COL25A1: variants seen among roughly 807,000 people sequenced by gnomAD.
COL25A1 encodes collagen type XXV alpha 1 chain.
In COL25A1, 103 loss-of-function variants were observed where a neutral mutation model predicts 128.4. The observed-to-expected ratio is 0.80, with a 90% CI of 0.68 to 0.94. COL25A1 has a LOEUF of 0.94. COL25A1 is among the 40% of genes least tolerant of loss of function. COL25A1 has a pLI of 0.00. For missense variants in COL25A1, 745 were observed against 840.0 expected, an observed-to-expected ratio of 0.89 and a Z score of 1.40; for synonymous variants, 279 against 277.2, an observed-to-expected ratio of 1.01 and a Z score of -0.06.
At position 108,856,598 on chromosome 4, in the gene COL25A1, T is replaced by A. The variant is rs1353625476; in HGVS notation, c.1320+3058A>T. On this transcript the variant is annotated intron_variant, in intron 24 of 37. Coordinates refer to ENST00000399132, the MANE Select transcript of COL25A1 (RefSeq NM_198721.4). ...ATGTTAGGGAAACCAATAGTTTTGATGTGAAAAGATAACTATAAGCTATTT... is the reference window on the plus strand; with the variant it reads ...ATGTTAGGGAAACCAATAGTTTTGAAGTGAAAAGATAACTATAAGCTATTT... Among the ~76,000 whole-genome samples, 4 of 152,244 alleles carry A rather than the reference T, an allele frequency of 2.6e-5. No homozygotes were observed. In the East Asian group the frequency reaches 7.7e-4, roughly 29 times the overall value.
intron 3 of COL25A1, among the ~76,000 whole-genome samples, chr4:109,252,359 T>A (rs922496542): frequency 2.0e-5 from 3 of 152,184 alleles, no homozygotes; most frequent in African/African-American, 7.2e-5. Context: ...TCATCCTTTA[T>A]GAGTGGAAGT....
chr4:109,111,522 G>A (rs754330421), intron 3 of COL25A1, among the ~76,000 whole-genome samples: 8 of 152,010 alleles, frequency 5.3e-5, no homozygotes, highest in South Asian at 2.1e-4. Flanking sequence ...TCTTGCATTC[G>A]GAATCCTTCC....
chr4:108,886,467 TGTG>T (rs1740794126), intron 18 of COL25A1, among the ~76,000 whole-genome samples: 5 of 120,742 alleles, frequency 4.1e-5, no homozygotes, highest in African/African-American at 1.1e-4. Flanking sequence ...TGTGTGTGTG[TGTG>T]TGTGTGTGTG....
In COL25A1 at chr4:109,047,728, CTTT is replaced by C. The variant is rs59105153; in HGVS notation, c.420+437_420+439del. The stretch of plus-strand genomic sequence containing the variant: ...TAATTTTCCAAACTTTAAGTATACT[CTTT>C]TTTTTTTTTTTTTTTTTTTTAGACA... On this transcript the variant is annotated intron_variant, in intron 5 of 37. Transcript: ENST00000399132. Among the ~76,000 whole-genome samples, 337 of 132,190 alleles carry C rather than the reference CTTT, an allele frequency of 2.5e-3. 7 individuals carry two copies. Among genetic ancestry groups the C allele is most frequent in the East Asian group, 0.018 (87 of 4,722 alleles). 86.7% of individuals were successfully genotyped at this position (132,190 alleles called of 152,430 possible). A position where few individuals can be genotyped will look rare whatever the true frequency, so the allele number is the denominator to read the frequency against.
chr4:108,884,114 T>TTTTCCCTATTTTCC, intron 19 of COL25A1, 64 bp downstream of exon 19: 1 of 1,520,822 alleles, frequency 6.6e-7, no homozygotes. Flanking sequence ...CCTATTTTCC[T>TTTTCCCTATTTTCC]CCAATTTGGG....
intron 3 of COL25A1, among the ~76,000 whole-genome samples, chr4:109,251,437 C>T (rs1780638127): frequency 6.6e-6 from 1 of 152,140 alleles, no homozygotes; most frequent in Admixed American, 6.5e-5. Flanking sequence ...AATCACAGGG[C>T]ATGGTAGACT....
At chr4:108,995,195 C>T (rs114945193) in intron 6 of COL25A1, among the ~76,000 whole-genome samples, 1,851 of 152,200 alleles carry the variant, frequency 0.012, 29 homozygotes, top group African/African-American at 0.042. Context: ...TATTTTAACC[C>T]GTTACAAGGA....
At chr4:109,228,898 GC>G (rs1778980377) in intron 3 of COL25A1, among the ~76,000 whole-genome samples, 1 of 152,152 alleles carries the variant, frequency 6.6e-6, no homozygotes, top group Non-Finnish European at 1.5e-5. Context: ...TTTATGAATA[GC>G]CTATCTTAGA....
chr4:108,828,234 A>G (rs1732621632), intron 32 of COL25A1, among the ~76,000 whole-genome samples: 1 of 152,110 alleles, frequency 6.6e-6, no homozygotes. Flanking sequence ...TCCACCTCCC[A>G]GGTTCAAGCA....
At chr4:108,898,429 C>A (rs1307268398) in intron 15 of COL25A1, among the ~76,000 whole-genome samples, 2 of 152,128 alleles carry the variant, frequency 1.3e-5, no homozygotes, top group African/African-American at 4.8e-5. Flanking sequence ...TTGGTAGTTT[C>A]CTACTCAGCA....
intron 3 of COL25A1, among the ~76,000 whole-genome samples, chr4:109,083,326 A>C (rs1489499384): frequency 6.6e-6 from 1 of 152,020 alleles, no homozygotes; most frequent in Non-Finnish European, 1.5e-5. Flanking sequence ...AATGAAAAAA[A>C]TTTCTAAAGG....
At chr4:109,049,720 A>AC (rs1369788142) in intron 4 of COL25A1, among the ~76,000 whole-genome samples, 2 of 152,220 alleles carry the variant, frequency 1.3e-5, no homozygotes, top group East Asian at 3.8e-4. Flanking sequence ...GCTTTCTAAG[A>AC]CATGTGCCCT....
At chr4:109,152,887 G>T (rs1025306374) in intron 3 of COL25A1, among the ~76,000 whole-genome samples, 1 of 152,136 alleles carries the variant, frequency 6.6e-6, no homozygotes, top group African/African-American at 2.4e-5. Context: ...GAGTACTGAG[G>T]GGTGGAAAAT....
At chr4:109,287,797 C>T (rs1724028966) in intron 3 of COL25A1, among the ~76,000 whole-genome samples, 1 of 152,116 alleles carries the variant, frequency 6.6e-6, no homozygotes, top group African/African-American at 2.4e-5. Flanking sequence ...GGAGAGCATC[C>T]ACATACCTAG....
chr4:109,087,550 T>A (rs756489412), intron 3 of COL25A1, among the ~76,000 whole-genome samples: 2 of 152,222 alleles, frequency 1.3e-5, no homozygotes, highest in African/African-American at 4.8e-5. Context: ...AATATATTGA[T>A]GACCCTTGCT....
chr4:108,893,764 G>C (rs559446802), intron 16 of COL25A1, among the ~76,000 whole-genome samples: 1 of 152,160 alleles, frequency 6.6e-6, no homozygotes, highest in East Asian at 1.9e-4. Context: ...TGAACACAAA[G>C]GCCATAAGAA....
chr4:109,223,450 A>C (rs1047086121), intron 3 of COL25A1, among the ~76,000 whole-genome samples: 4 of 151,896 alleles, frequency 2.6e-5, no homozygotes, highest in Non-Finnish European at 4.4e-5. Context: ...TTAAATATTG[A>C]CTTTAGAATC....
chr4:108,938,500 CCCA>C (rs1428179320), intron 10 of COL25A1, among the ~76,000 whole-genome samples: 4 of 152,178 alleles, frequency 2.6e-5, no homozygotes, highest in African/African-American at 7.2e-5. Flanking sequence ...ACTGTGTGAG[CCCA>C]GGTCTTTAAG....
In COL25A1 at chr4:108,896,616, A is replaced by G. The variant is rs148656023; in HGVS notation, c.906+51T>C. 6.0e-5 allele frequency: 89 copies of G among 1,493,606 alleles called. No homozygotes were observed. In the African/African-American group the frequency reaches 9.8e-4, roughly 16 times the overall value. 92.5% of individuals were successfully genotyped at this position (1,493,606 alleles called of 1,614,324 possible). On this transcript the variant is annotated intron_variant, in intron 16 of 37. Transcript: ENST00000399132. The stretch of plus-strand genomic sequence containing the variant: ...AAATCCCCCATCTTCATAAACTTGA[A>G]GTATATTTCTTGCTCACATATGTAC...
Sources: allele counts gnomAD v4.1 joint callset (sites outside exome capture counted in the v4.1 genomes callset), GRCh38; gene constraint gnomAD v4.1.1; transcripts MANE v1.5; gene names NCBI Gene and HGNC (gene_info 2026-07-23, HGNC 2026-07-21).